The following HDAC5 variants were observed in gnomAD, a reference collection of about 807,000 sequenced individuals.
HDAC5 encodes the protein antigen NY-CO-9.
HDAC5 carries 25 observed loss-of-function variants against 133.3 expected under a neutral mutation model. The ratio of observed to expected loss-of-function variants is 0.19; its 90% CI spans 0.14 to 0.26. The LOEUF is 0.26. Among genes scored for constraint, HDAC5 ranks in the 10% least tolerant of loss-of-function variants. The probability of loss-of-function intolerance (pLI) is 1.00; values close to 1 mark genes in which losing one functional copy is unlikely to be tolerated. For missense variants in HDAC5, 1,041 were observed against 1,460.5 expected (o/e 0.71, Z 4.68); for synonymous variants, 589 against 610.8 (o/e 0.96, Z 0.53).
chr17:44,096,418 G>T (rs1245912758), intron 3 of HDAC5, among the ~76,000 whole-genome samples: 1 of 149,496 alleles, frequency 6.7e-6, no homozygotes, highest in Non-Finnish European at 1.5e-5. Context: ...CCACCCCCCA[G>T]CATTAAGAGG....
In HDAC5 at chr17:44,077,334, A is replaced by G. The variant is rs1306667073; in HGVS notation, c.*1042T>C. ...GGTCAGCAAAGGGAGCCCAGAAGGT[A>G]TGGAAGCTCCAGCTGAGAGCCGACT... On this transcript the variant is annotated 3_prime_UTR_variant, in exon 27 of 27. Coordinates refer to ENST00000682912, the MANE Select transcript of HDAC5 (RefSeq NM_005474.5). The G allele has an allele frequency of 2.0e-5, 3 of 152,544 alleles. No homozygotes were observed. The highest frequency in any genetic ancestry group is 4.4e-5 in the Non-Finnish European group (3 of 68,094). 9.4% of individuals were successfully genotyped at this position (152,544 alleles called of 1,614,324 possible).
chr17:44,111,464 G>A (rs2052339990), intron 2 of HDAC5: 3 of 419,932 alleles, frequency 7.1e-6, no homozygotes, highest in African/African-American at 2.0e-5. Context: ...GGCTGGGGAA[G>A]GGCGCCGGCC....
chr17:44,114,813 T>A (rs969874860), intron 2 of HDAC5, among the ~76,000 whole-genome samples: 4 of 152,176 alleles, frequency 2.6e-5, no homozygotes, highest in African/African-American at 9.7e-5. Context: ...AAGACAGCCT[T>A]AATCCTCAAA....
chr17:44,090,403 G>A (rs1249475172), intron 11 of HDAC5, among the ~76,000 whole-genome samples: 1 of 151,842 alleles, frequency 6.6e-6, no homozygotes, highest in Non-Finnish European at 1.5e-5. Context: ...GAGACAGAGT[G>A]TCGCTCTGTT....
rs538479764 is a variant in HDAC5, at chr17:44,117,636, G to A, written c.-121C>T. 4.3e-5 allele frequency: 51 copies of A among 1,183,576 alleles called. No individual in the cohort carries two copies. Among genetic ancestry groups the A allele is most frequent in the Admixed American group, 1.0e-4 (6 of 57,502 alleles). The allele number at this position is 1,183,576 out of a possible 1,614,324, so 73.3% of individuals were successfully genotyped here. On this transcript the variant is annotated 5_prime_UTR_variant, in exon 2 of 27. Transcript: ENST00000682912. This position sits in a 1 kb window ranked among gnomAD's most constrained non-coding sequence, Gnocchi z 4.2. Reference sequence around the variant, plus strand: ...ACGGACGGGACGGGAGCCCGGGGCCGCCGTGCCTCTAATGCCCATCCGAGG... The same window carrying A: ...ACGGACGGGACGGGAGCCCGGGGCCACCGTGCCTCTAATGCCCATCCGAGG...
intron 19 of HDAC5, 39 bp from the exon 20 acceptor site, chr17:44,082,711 A>G (rs2050453904): frequency 6.2e-7 from 1 of 1,610,786 alleles, no homozygotes. Flanking sequence ...CAGCCTCAGC[A>G]TGACGTTTGC....
intron 9 of HDAC5, 152 bp downstream of exon 9, chr17:44,092,020 T>C: frequency 1.1e-6 from 1 of 919,102 alleles, no homozygotes; most frequent in Non-Finnish European, 1.6e-6. Flanking sequence ...TCAATGCAAT[T>C]AAGTCCAAGC....
rs676171 is a variant in HDAC5 at position 44,119,976 on chromosome 17, C to T, written c.-189-2272G>A. On this transcript the variant is annotated intron_variant, in intron 1 of 26. Coordinates refer to ENST00000682912, the MANE Select transcript of HDAC5 (RefSeq NM_005474.5). ...CCCCACTACCTCACACCAACTCTTT[C>T]TTCCAGACAGACCCCTACCCCACTC... 2.0e-5 allele frequency: 3 copies of T among 152,218 alleles called. No individual in the cohort carries two copies. The East Asian group carries it at 5.8e-4, about 29-fold the overall frequency. The allele number at this position is 152,218 out of a possible 1,614,324, so 9.4% of individuals were successfully genotyped here.
intron 6 of HDAC5, 117 bp downstream of exon 6, chr17:44,092,974 TA>T: frequency 1.4e-6 from 1 of 720,354 alleles, no homozygotes; most frequent in Non-Finnish European, 2.3e-6. Flanking sequence ...GTCCTGTCTC[TA>T]AGGAGAGATT....
intron 1 of HDAC5, among the ~76,000 whole-genome samples, chr17:44,119,297 G>A (rs185830618): frequency 2.0e-5 from 3 of 152,324 alleles, no homozygotes; most frequent in East Asian, 3.9e-4. Flanking sequence ...CCCGTGGGCT[G>A]GGGAACACAG....
intron 2 of HDAC5, among the ~76,000 whole-genome samples, chr17:44,116,774 C>T (rs902872850): frequency 1.3e-5 from 2 of 152,126 alleles, no homozygotes; most frequent in Admixed American, 1.3e-4. Flanking sequence ...TACATCCAGA[C>T]CCAGCTGCAC....
intron 2 of HDAC5, among the ~76,000 whole-genome samples, chr17:44,111,995 C>T (rs1391453847): frequency 1.3e-5 from 2 of 152,118 alleles, no homozygotes; most frequent in African/African-American, 2.4e-5. Context: ...ATTAATTCTG[C>T]GTGGTGACCT....
Position 44,091,365 on chromosome 17 carries a change from G to A in HDAC5, c.1292C>T (p.Ala431Val). 1.3e-6 allele frequency: 2 copies of A among 1,597,430 alleles called. No homozygotes were observed. Among genetic ancestry groups the A allele is most frequent in the Non-Finnish European group, 1.7e-6 (2 of 1,172,054 alleles). The change falls in exon 11 of 27, where the codon GCA (alanine) becomes GTA (valine). Residue 431 changes from alanine (A) to valine (V), a missense_variant. By Grantham distance (64) the Ala-to-Val change is moderately conservative (BLOSUM62 0). Coordinates refer to ENST00000682912, the MANE Select transcript of HDAC5 (RefSeq NM_005474.5). ...SSIPGCLLGV[A>V]LEGDGSPHGH... The stretch of plus-strand genomic sequence containing the variant: ...GTGGGGGCTCCCGTCGCCCTCCAGT[G>A]CCACGCCCAGCAGGCAGCCAGGAAT...
chr17:44,088,791 T>A (rs2143197921), intron 11 of HDAC5, among the ~76,000 whole-genome samples, 193 bp from the exon 12 acceptor site: 1 of 151,644 alleles, frequency 6.6e-6, no homozygotes. Flanking sequence ...GAATGAAGAG[T>A]TTCACAGCTC....
At position 44,087,579 on chromosome 17, in the gene HDAC5, G is replaced by C; in HGVS notation, c.1717C>G (p.Arg573Gly). The part of the protein sequence containing the change: ...LLGEGALTMP[R>G]EGSTESESTQ... ...CTCTCACTCTCTGTGGAGCCCTCCC[G>C]GGGCATGGTCAGGGCTCCCTCCCCC... The change falls in exon 13 of 27, where the codon CGG becomes GGG. Residue 573 changes from arginine (R) to glycine (G), a missense_variant. Transcript: ENST00000682912. 1 of 1,614,044 alleles carries C rather than the reference G, an allele frequency of 6.2e-7. No homozygotes were observed. The highest frequency in any genetic ancestry group is 1.1e-5 in the South Asian group (1 of 91,086).
intron 3 of HDAC5, among the ~76,000 whole-genome samples, chr17:44,104,557 G>A (rs925975384): frequency 1.3e-5 from 2 of 152,130 alleles, no homozygotes; most frequent in Middle Eastern, 3.2e-3. Context: ...GCTGGGTGTC[G>A]ATGCCAGAGG....
At chr17:44,094,788 G>A (rs1419566058) in intron 3 of HDAC5, among the ~76,000 whole-genome samples, 1 of 151,870 alleles carries the variant, frequency 6.6e-6, no homozygotes, top group Non-Finnish European at 1.5e-5. Context: ...ATACATATGT[G>A]TGTGTATTTA....
chr17:44,083,704 G>A lies in HDAC5; in HGVS notation c.2356-52C>T, dbSNP rs145918437. ...TGTGCCCCCTGCAGGGCAAGAACAGGGGAGGGCACCTGGACAGTGGGCCAG... is the reference window on the plus strand; with the variant it reads ...TGTGCCCCCTGCAGGGCAAGAACAGAGGAGGGCACCTGGACAGTGGGCCAG... On this transcript the variant is annotated intron_variant, in intron 17 of 26. Transcript: ENST00000682912. 4.4e-6 allele frequency: 7 copies of A among 1,588,920 alleles called. No homozygotes were observed. In the Middle Eastern group the frequency reaches 5.1e-4, roughly 115 times the overall value.
chr17:44,088,672 G>T, intron 11 of HDAC5, 74 bp from the exon 12 acceptor site: 1 of 1,540,570 alleles, frequency 6.5e-7, no homozygotes, highest in Non-Finnish European at 8.8e-7. Context: ...CCTGCATCTT[G>T]CCCCCACAAC....
Sources: allele counts gnomAD v4.1 joint callset (sites outside exome capture counted in the v4.1 genomes callset), GRCh38; gene constraint gnomAD v4.1.1; non-coding constraint Gnocchi (gnomAD v3.1); transcripts MANE v1.5; gene names NCBI Gene and HGNC (gene_info 2026-07-23, HGNC 2026-07-21).